Variants in RELN observed in about 807,000 individuals in gnomAD.
RELN encodes the protein reelin.
RELN carries 108 observed loss-of-function variants against 427.6 expected under a neutral mutation model. That is an observed-to-expected ratio of 0.25 (90% CI 0.22 to 0.30). The LOEUF (loss-of-function observed/expected upper bound fraction) is 0.30. Ranked by LOEUF, RELN falls within the 10% of genes least tolerant of loss-of-function variation. RELN has a pLI of 1.00. For synonymous variants in RELN, 1,524 were observed against 1,513.4 expected (o/e 1.01, Z -0.16); for missense variants, 3,715 against 4,302.8 (o/e 0.86, Z 3.82).
At position 103,603,922 on chromosome 7, in the gene RELN, T is replaced by G. The variant is rs977164414; in HGVS notation, c.3146+424A>C. On this transcript the variant is annotated intron_variant, in intron 23 of 64. Coordinates refer to ENST00000428762, the MANE Select transcript of RELN (RefSeq NM_005045.4). This position sits in a 1 kb window ranked among gnomAD's most constrained non-coding sequence, Gnocchi z 4.3. ...TAAACTATGCCTTTTTTAGAGTCTTTAGGTATTCAAGTGTGTTCCTCTGTC... is the reference window on the plus strand; with the variant it reads ...TAAACTATGCCTTTTTTAGAGTCTTGAGGTATTCAAGTGTGTTCCTCTGTC... Among the ~76,000 whole-genome samples, 6 of 152,140 alleles carry G rather than the reference T, an allele frequency of 3.9e-5. No individual in the cohort carries two copies. The highest frequency in any genetic ancestry group is 7.3e-5 in the Non-Finnish European group (5 of 68,032).
intron 1 of RELN, among the ~76,000 whole-genome samples, chr7:103,984,352 A>C (rs2116849480): frequency 6.6e-6 from 1 of 152,278 alleles, no homozygotes; most frequent in Admixed American, 6.5e-5. Context: ...ATACAACATT[A>C]CCATTTTATT....
At chr7:103,938,748 T>C (rs368555677) in intron 1 of RELN, among the ~76,000 whole-genome samples, 2 of 152,206 alleles carry the variant, frequency 1.3e-5, no homozygotes, top group African/African-American at 2.4e-5. Context: ...GAGGAAACAA[T>C]GTGTCAATTA....
chr7:103,732,587 T>A (rs1476209004), intron 6 of RELN, among the ~76,000 whole-genome samples: 1 of 152,116 alleles, frequency 6.6e-6, no homozygotes, highest in African/African-American at 2.4e-5. Flanking sequence ...TGGTCATGGC[T>A]TCCAAGAAGA....
chr7:103,544,803 C>T (rs362761), intron 42 of RELN, among the ~76,000 whole-genome samples: 2 of 151,992 alleles, frequency 1.3e-5, no homozygotes, highest in South Asian at 2.1e-4. Flanking sequence ...TTCTGGAAAC[C>T]CTTCCATCCA....
At chr7:103,519,916 T>G (rs1241288362) in intron 48 of RELN, among the ~76,000 whole-genome samples, 2 of 152,218 alleles carry the variant, frequency 1.3e-5, no homozygotes, top group Admixed American at 1.3e-4. Flanking sequence ...TCTTACCCTC[T>G]TTCTTACTAT....
intron 2 of RELN, among the ~76,000 whole-genome samples, chr7:103,860,322 T>A (rs1427697824): frequency 6.6e-6 from 1 of 152,180 alleles, no homozygotes; most frequent in African/African-American, 2.4e-5. Flanking sequence ...TTTGTTTTAA[T>A]TATAATATGT....
At chr7:103,524,800 T>C (rs1378999134) in intron 46 of RELN, among the ~76,000 whole-genome samples, 4 of 152,222 alleles carry the variant, frequency 2.6e-5, no homozygotes, top group African/African-American at 4.8e-5. Flanking sequence ...GTCCAATACA[T>C]GTCTGTTGAG....
intron 53 of RELN, among the ~76,000 whole-genome samples, chr7:103,499,918 T>C (rs1187636219): frequency 2.0e-5 from 3 of 152,220 alleles, no homozygotes; most frequent in African/African-American, 7.2e-5. Flanking sequence ...GGTAACCTCA[T>C]TTGTTAATAA....
chr7:103,674,925 A>T (rs1361811231), intron 11 of RELN, among the ~76,000 whole-genome samples: 1 of 152,202 alleles, frequency 6.6e-6, no homozygotes, highest in Non-Finnish European at 1.5e-5. Flanking sequence ...CCCACAGCCA[A>T]TATCATACTG....
At chr7:103,506,888 G>C (rs185056226) in intron 51 of RELN, among the ~76,000 whole-genome samples, 150 of 152,282 alleles carry the variant, frequency 9.9e-4, no homozygotes, top group African/African-American at 3.4e-3. Context: ...TGCAATCCTA[G>C]TCTCTGATAA....
intron 8 of RELN, among the ~76,000 whole-genome samples, chr7:103,714,635 C>A (rs1047449514): frequency 1.3e-5 from 2 of 152,160 alleles, no homozygotes; most frequent in Non-Finnish European, 2.9e-5. Flanking sequence ...CACATAGAGG[C>A]AGCTCATGCT....
chr7:103,787,451 A>G (rs1792046234), intron 3 of RELN, among the ~76,000 whole-genome samples: 1 of 152,176 alleles, frequency 6.6e-6, no homozygotes, highest in Middle Eastern at 3.2e-3. Context: ...ACTAATAAAG[A>G]AGAAGAAAAG....
rs67744980 is a variant in RELN at position 103,620,475 on chromosome 7, ATTT to A, written c.2703-8675_2703-8673del. Among the ~76,000 whole-genome samples, 9 of 137,870 alleles carry A rather than the reference ATTT, an allele frequency of 6.5e-5. No individual in the cohort carries two copies. Among genetic ancestry groups the A allele is most frequent in the East Asian group, 2.1e-4 (1 of 4,730 alleles). The allele number at this position is 137,870 out of a possible 152,430, so 90.4% of individuals were successfully genotyped here. ...GTTGAAGATAACTCACCCGATCCAC[ATTT>A]TTTTTTTTTTTTTGAGATAGAGTCT... On this transcript the variant is annotated intron_variant, in intron 20 of 64. Transcript: ENST00000428762. This position sits in a 1 kb window ranked among gnomAD's most constrained non-coding sequence, Gnocchi z 4.1.
intron 15 of RELN, among the ~76,000 whole-genome samples, chr7:103,651,382 G>A (rs1832910418): frequency 6.6e-6 from 1 of 151,938 alleles, no homozygotes; most frequent in Non-Finnish European, 1.5e-5. Flanking sequence ...AAGTAGCGTG[G>A]CAATAACCAC....
At chr7:103,725,859 GACT>G (rs1236792317) in intron 7 of RELN, among the ~76,000 whole-genome samples, 9 of 152,092 alleles carry the variant, frequency 5.9e-5, no homozygotes, top group Admixed American at 4.6e-4. Flanking sequence ...ACCCCTCACT[GACT>G]AACTTCTCCA....
At chr7:103,738,771 C>T (rs1790561664) in intron 6 of RELN, among the ~76,000 whole-genome samples, 1 of 148,602 alleles carries the variant, frequency 6.7e-6, no homozygotes. Context: ...CAACCTCCGC[C>T]TCCTGGGTTC....
chr7:103,697,695 T>A (rs1346445861), intron 10 of RELN, among the ~76,000 whole-genome samples, 158 bp downstream of exon 10: 1 of 152,184 alleles, frequency 6.6e-6, no homozygotes, highest in African/African-American at 2.4e-5. Flanking sequence ...TGACTTTCCA[T>A]CCTTAAAAGG....
intron 2 of RELN, among the ~76,000 whole-genome samples, chr7:103,861,257 A>T (rs1028421864): frequency 3.3e-5 from 5 of 152,160 alleles, no homozygotes; most frequent in South Asian, 2.1e-4. Context: ...CAAGTTTTTT[A>T]AAAAAATAAT....
intron 46 of RELN, among the ~76,000 whole-genome samples, chr7:103,526,958 C>T (rs1352182478): frequency 6.6e-6 from 1 of 152,172 alleles, no homozygotes; most frequent in South Asian, 2.1e-4. Context: ...ACTCTCTCCT[C>T]TTGGTTCTTT....
Sources: gnomAD v4.1 joint callset for allele counts (sites outside exome capture counted in the v4.1 genomes callset) on GRCh38, gnomAD v4.1.1 for gene constraint, Gnocchi (gnomAD v3.1) non-coding constraint, MANE v1.5 for transcripts, NCBI Gene and HGNC (gene_info 2026-07-23, HGNC 2026-07-21) for gene names.